Variants in SPTAN1 observed in about 807,000 individuals in gnomAD.
The protein encoded by SPTAN1 is spectrin alpha, non-erythrocytic 1.
Under a neutral mutation model 331.3 loss-of-function variants are expected in SPTAN1, and 61 were observed. The observed-to-expected ratio is 0.18, with a 90% CI of 0.15 to 0.23. The LOEUF (loss-of-function observed/expected upper bound fraction) is 0.23. Among genes scored for constraint, SPTAN1 ranks in the 10% least tolerant of loss-of-function variants. SPTAN1 has a pLI of 1.00. For missense variants in SPTAN1, 2,043 were observed against 3,147.9 expected (o/e 0.65, Z 8.40); for synonymous variants, 1,153 against 1,173.9 (o/e 0.98, Z 0.36).
intron 44 of SPTAN1, among the ~76,000 whole-genome samples, chr9:128,619,748 G>A (rs1037046177): frequency 6.6e-6 from 1 of 152,202 alleles, no homozygotes; most frequent in Non-Finnish European, 1.5e-5. Flanking sequence ...TCTTGAGGGG[G>A]ACACAGTTCA....
chr9:128,618,809 AACT>A (rs1857501073), intron 43 of SPTAN1, 59 bp from the exon 44 acceptor site: 24 of 1,612,986 alleles, frequency 1.5e-5, no homozygotes, highest in Non-Finnish European at 2.0e-5. Context: ...AGCATATGTT[AACT>A]ATCACAATCA....
intron 19 of SPTAN1, 75 bp from the exon 20 acceptor site, chr9:128,587,531 G>A: frequency 8.6e-7 from 1 of 1,158,256 alleles, no homozygotes. Context: ...GAGGCAGGAT[G>A]GCAGGTTGGC....
chr9:128,574,925 T>A (rs1851134593), intron 4 of SPTAN1, 110 bp downstream of exon 4: 1 of 1,521,928 alleles, frequency 6.6e-7, no homozygotes, highest in African/African-American at 1.4e-5. Flanking sequence ...CCATTTTAAG[T>A]AAAAGGGTGG....
chr9:128,568,606 G>A (rs970898888), intron 2 of SPTAN1, among the ~76,000 whole-genome samples, 166 bp from the exon 3 acceptor site: 1 of 152,206 alleles, frequency 6.6e-6, no homozygotes, highest in African/African-American at 2.4e-5. Context: ...AATGCAGTCA[G>A]AGTATTTGAG....
chr9:128,625,343 C>T lies in SPTAN1; in HGVS notation c.6069+164C>T, dbSNP rs562073675. 6.6e-6 allele frequency among the ~76,000 whole-genome samples: 1 copy of T among 152,336 alleles called. No individual in the cohort carries two copies. The highest frequency in any genetic ancestry group is 1.9e-4 in the East Asian group (1 of 5,188). On this transcript the variant is annotated intron_variant, in intron 47 of 56. Transcript: ENST00000372739. The surrounding 1 kb of genome is among the most constrained non-coding windows in gnomAD (Gnocchi z 4.1). ...GGAGCTTCCAGACTAACTGGGGAAG[C>T]AGACACAGAACCAGGCATCTCTGCA...
intron 31 of SPTAN1, among the ~76,000 whole-genome samples, chr9:128,606,186 A>G (rs906337515): frequency 6.6e-6 from 1 of 151,398 alleles, no homozygotes; most frequent in Non-Finnish European, 1.5e-5. Context: ...CCTGGCCAAT[A>G]TGGTGAAACC....
chr9:128,574,558 T>TA lies in SPTAN1; in HGVS notation c.364-112dup, dbSNP rs1851086898. On this transcript the variant is annotated intron_variant, in intron 3 of 56. Transcript: ENST00000372739. ...TCCTCTCAGTTTAGGGATTATCTTT[T>TA]AAAAATATTTTTATTCAGCGCTCCA... 3 of 1,219,832 alleles carry TA rather than the reference T, an allele frequency of 2.5e-6. No homozygotes were observed. In the South Asian group the frequency reaches 3.9e-5, roughly 16 times the overall value. 75.6% of individuals were successfully genotyped at this position (1,219,832 alleles called of 1,614,324 possible).
intron 1 of SPTAN1, among the ~76,000 whole-genome samples, chr9:128,556,412 G>A (rs1025274877): frequency 1.3e-5 from 2 of 152,058 alleles, no homozygotes; most frequent in African/African-American, 4.8e-5. Context: ...AATCAGATGA[G>A]TTATTTACTT....
At chr9:128,569,442 G>A (rs1031353091) in intron 3 of SPTAN1, among the ~76,000 whole-genome samples, 12 of 151,818 alleles carry the variant, frequency 7.9e-5, no homozygotes, top group African/African-American at 2.9e-4. Context: ...GAACTCTTTG[G>A]TCTGGCTGAT....
chr9:128,599,005 G>A lies in SPTAN1; in HGVS notation c.3543+19G>A, dbSNP rs2131448662. ...GCCCAGGGTAAGTTTCGGGTGCTGT[G>A]TGTGGATCTTGAACATGAGAAGGAC... On this transcript the variant is annotated intron_variant, in intron 26 of 56. Coordinates refer to ENST00000372739, the MANE Select transcript of SPTAN1 (RefSeq NM_001130438.3). 1.2e-6 allele frequency: 2 copies of A among 1,613,256 alleles called. No homozygotes were observed. Among genetic ancestry groups the A allele is most frequent in the Non-Finnish European group, 1.7e-6 (2 of 1,179,168 alleles).
In SPTAN1 at chr9:128,627,279, G is replaced by A; in HGVS notation, c.6577-107G>A. On this transcript the variant is annotated intron_variant, in intron 49 of 56. Transcript: ENST00000372739. This position sits in a 1 kb window ranked among gnomAD's most constrained non-coding sequence, Gnocchi z 4.9. ...CCCAGCCTCCTCCTCTCATCTTTGG[G>A]GAGGTTCCTTGTGGGGAGGCCACCA... is the stretch of plus-strand genomic sequence containing the variant. The A allele has an allele frequency of 1.1e-6, 1 of 942,878 alleles. No homozygotes were observed. The highest frequency in any genetic ancestry group is 1.5e-5 in the South Asian group (1 of 66,174). 58.4% of individuals were successfully genotyped at this position (942,878 alleles called of 1,614,324 possible). A position where few individuals can be genotyped will look rare whatever the true frequency, so the allele number is the denominator to read the frequency against.
At chr9:128,608,723 A>T in intron 34 of SPTAN1, 151 bp from the exon 35 acceptor site, 1 of 812,476 alleles carries the variant, frequency 1.2e-6, no homozygotes, top group East Asian at 2.4e-5. Flanking sequence ...TTGGCATTTT[A>T]CACTCTTGCT....
In SPTAN1 at chr9:128,631,920, C is replaced by A. The variant is rs185501795; in HGVS notation, c.6763-207C>A. 26 of 602,956 alleles carry A rather than the reference C, an allele frequency of 4.3e-5. No individual in the cohort carries two copies. The African/African-American group carries it at 4.8e-4, about 11-fold the overall frequency. The allele number at this position is 602,956 out of a possible 1,614,324, so 37.4% of individuals were successfully genotyped here. A position where few individuals can be genotyped will look rare whatever the true frequency, so the allele number is the denominator to read the frequency against. On this transcript the variant is annotated intron_variant, in intron 52 of 56. Coordinates refer to ENST00000372739, the MANE Select transcript of SPTAN1 (RefSeq NM_001130438.3). ...GGCAGGTCTACCAGCTGCTTTGGAA[C>A]CCTCACATTGAAAGTCTCTCCCTCT...
intron 48 of SPTAN1, 42 bp downstream of exon 48, chr9:128,626,020 A>C: frequency 3.1e-6 from 5 of 1,607,988 alleles, no homozygotes; most frequent in Non-Finnish European, 4.3e-6. Context: ...CCCACAGCTC[A>C]AGGAAGGACG....
At chr9:128,581,123 G>A in intron 11 of SPTAN1, 64 bp downstream of exon 11, 3 of 1,606,900 alleles carry the variant, frequency 1.9e-6, no homozygotes, top group Non-Finnish European at 2.5e-6. Flanking sequence ...GCCTCCTCGG[G>A]TAGTGTGCTT....
intron 51 of SPTAN1, 199 bp from the exon 52 acceptor site, chr9:128,630,122 C>A: frequency 1.3e-6 from 1 of 753,852 alleles, no homozygotes. Flanking sequence ...AGCTTCCCAT[C>A]TCTAAAACGG....
chr9:128,624,086 CAAAA>C (rs11444346), intron 45 of SPTAN1, among the ~76,000 whole-genome samples: 6 of 66,812 alleles, frequency 9.0e-5, no homozygotes, highest in Non-Finnish European at 1.8e-4. Flanking sequence ...CACTCCGTCT[CAAAA>C]AAAAAAAAAA....
At chr9:128,567,843 C>G (rs909294001) in intron 2 of SPTAN1, among the ~76,000 whole-genome samples, 1 of 152,048 alleles carries the variant, frequency 6.6e-6, no homozygotes, top group Non-Finnish European at 1.5e-5. Context: ...TCACTGCAAC[C>G]TCTGCCTCCC....
intron 25 of SPTAN1, 56 bp from the exon 26 acceptor site, chr9:128,598,907 C>T: frequency 6.6e-7 from 1 of 1,522,800 alleles, no homozygotes; most frequent in Non-Finnish European, 9.1e-7. Context: ...AATAAGTATT[C>T]TTGAGAGATG....
Sources: allele counts gnomAD v4.1 joint callset (sites outside exome capture counted in the v4.1 genomes callset), GRCh38; gene constraint gnomAD v4.1.1; non-coding constraint Gnocchi (gnomAD v3.1); transcripts MANE v1.5; gene names NCBI Gene and HGNC (gene_info 2026-07-23, HGNC 2026-07-21).